Variants in CREB5 observed in about 807,000 individuals in gnomAD.
The protein encoded by CREB5 is cyclic AMP-responsive element-binding protein 5.
A neutral mutation model predicts 57.1 loss-of-function variants in CREB5; 19 were observed. That is an observed-to-expected ratio of 0.33 (90% CI 0.23 to 0.49). The LOEUF (loss-of-function observed/expected upper bound fraction) is 0.49. CREB5 is among the 20% of genes least tolerant of loss of function. CREB5 has a pLI of 0.99. For synonymous variants in CREB5, 238 were observed against 238.3 expected (o/e 1.00, Z 0.01); for missense variants, 579 against 671.6 (o/e 0.86, Z 1.52).
At chr7:28,743,939 C>T (rs1328352518) in intron 7 of CREB5, among the ~76,000 whole-genome samples, 19 of 126,610 alleles carry the variant, frequency 1.5e-4, no homozygotes, top group Admixed American at 1.2e-3. Flanking sequence ...CATGCTGGTG[C>T]GCTGCACCCA....
intron 3 of CREB5, among the ~76,000 whole-genome samples, chr7:28,495,465 C>A (rs1791996570): frequency 6.6e-6 from 1 of 151,810 alleles, no homozygotes; most frequent in Admixed American, 6.6e-5. Flanking sequence ...TCGCTTGGAC[C>A]CGGGAGGGGG....
intron 1 of CREB5, among the ~76,000 whole-genome samples, chr7:28,333,173 G>A (rs1785748334): frequency 6.6e-6 from 1 of 152,146 alleles, no homozygotes; most frequent in Non-Finnish European, 1.5e-5. Context: ...ATTCATGTGG[G>A]ATTTTTACGT....
intron 1 of CREB5, among the ~76,000 whole-genome samples, chr7:28,316,254 A>G (rs891309623): frequency 6.6e-6 from 1 of 152,118 alleles, no homozygotes; most frequent in African/African-American, 2.4e-5. Flanking sequence ...TGATGAACGT[A>G]AATCTGTCAG....
chr7:28,617,236 A>G (rs374061841), intron 5 of CREB5, among the ~76,000 whole-genome samples: 1 of 152,226 alleles, frequency 6.6e-6, no homozygotes, highest in African/African-American at 2.4e-5. Context: ...TTAATTGTTT[A>G]TATGATAATG....
Position 28,404,468 on chromosome 7 carries a change from C to A in CREB5, c.-24-90438C>A, listed in dbSNP as rs555415322. 9.2e-5 allele frequency among the ~76,000 whole-genome samples: 14 copies of A among 152,236 alleles called. No individual in the cohort carries two copies. In the South Asian group the frequency reaches 2.7e-3, roughly 29 times the overall value. The stretch of plus-strand genomic sequence containing the variant: ...ATTTGAGTCTTGCTGGATTTCCATG[C>A]ACCTTGGGTCCACTGGAATTTGGTG... On this transcript the variant is annotated intron_variant, in intron 1 of 9. Coordinates refer to the CREB5 transcript ENST00000396299.
At chr7:28,383,776 G>A (rs1006921284) in intron 1 of CREB5, among the ~76,000 whole-genome samples, 4 of 152,272 alleles carry the variant, frequency 2.6e-5, no homozygotes, top group African/African-American at 9.6e-5. Context: ...CGATTTGGGT[G>A]GGGACACAGA....
intron 5 of CREB5, among the ~76,000 whole-genome samples, chr7:28,643,045 C>G (rs1460559057): frequency 2.0e-5 from 3 of 147,898 alleles, no homozygotes; most frequent in African/African-American, 7.5e-5. Flanking sequence ...TTGGGCTTGT[C>G]TAGCCCCAAA....
intron 5 of CREB5, among the ~76,000 whole-genome samples, chr7:28,638,153 C>T (rs1276420869): frequency 6.6e-6 from 1 of 151,898 alleles, no homozygotes; most frequent in Non-Finnish European, 1.5e-5. Context: ...TGAGGTTTAT[C>T]AGCAAAGATA....
At chr7:28,514,657 G>A (rs900848041) in intron 4 of CREB5, among the ~76,000 whole-genome samples, 10 of 152,328 alleles carry the variant, frequency 6.6e-5, no homozygotes, top group African/African-American at 2.2e-4. Context: ...GCCTCCCAAA[G>A]TGCTGGGATT....
chr7:28,602,103 A>T (rs944367475), intron 5 of CREB5, among the ~76,000 whole-genome samples: 3 of 152,026 alleles, frequency 2.0e-5, no homozygotes, highest in Non-Finnish European at 4.4e-5. Flanking sequence ...CTGTGTCAGA[A>T]TTCACAAATT....
chr7:28,440,546 T>C (rs1480607421), intron 1 of CREB5, among the ~76,000 whole-genome samples: 1 of 152,210 alleles, frequency 6.6e-6, no homozygotes, highest in Admixed American at 6.5e-5. Context: ...TATCTTTAAC[T>C]AATTTAACAA....
intron 9 of CREB5, among the ~76,000 whole-genome samples, chr7:28,810,491 G>T (rs530152752): frequency 2.0e-5 from 3 of 152,212 alleles, no homozygotes; most frequent in Admixed American, 2.0e-4. Flanking sequence ...TCAGGAGTTT[G>T]AGACCAGCCT....
chr7:28,449,493 T>C (rs189179283), intron 1 of CREB5, among the ~76,000 whole-genome samples: 165 of 152,362 alleles, frequency 1.1e-3, no homozygotes, highest in Middle Eastern at 3.4e-3. Flanking sequence ...AGGATCCTTT[T>C]CTTGCCCTCC....
intron 1 of CREB5, among the ~76,000 whole-genome samples, chr7:28,442,202 C>T (rs1192076557): frequency 6.6e-6 from 1 of 152,100 alleles, no homozygotes; most frequent in East Asian, 1.9e-4. Context: ...TATTTATCTT[C>T]CTGTGCCTGA....
intron 5 of CREB5, among the ~76,000 whole-genome samples, chr7:28,680,586 T>C (rs148333494): frequency 6.6e-6 from 1 of 152,008 alleles, no homozygotes; most frequent in African/African-American, 2.4e-5. Context: ...AGGGAGACTT[T>C]GTCTCTACAA....
chr7:28,670,754 A>G (rs1183096693), intron 5 of CREB5, among the ~76,000 whole-genome samples: 1 of 152,234 alleles, frequency 6.6e-6, no homozygotes, highest in African/African-American at 2.4e-5. Flanking sequence ...ATATATAGGC[A>G]TGTGCATGTT....
At chr7:28,465,826 A>T (rs1316039235) in intron 1 of CREB5, among the ~76,000 whole-genome samples, 1 of 152,158 alleles carries the variant, frequency 6.6e-6, no homozygotes, top group Non-Finnish European at 1.5e-5. Context: ...CTTTCGCATG[A>T]GTGTCCATTT....
At chr7:28,512,027 T>C (rs150598) in intron 4 of CREB5, among the ~76,000 whole-genome samples, 151,636 of 152,338 alleles carry the variant, frequency 1, 75,468 homozygotes, top group East Asian at 1. Flanking sequence ...ATGGTTTAGA[T>C]TGGGAAGTAA....
At chr7:28,384,255 G>A (rs969580958) in intron 1 of CREB5, among the ~76,000 whole-genome samples, 2 of 152,224 alleles carry the variant, frequency 1.3e-5, no homozygotes, top group African/African-American at 4.8e-5. Flanking sequence ...CCAGTGCGCA[G>A]TACTGCTGGT....
Sources: allele counts gnomAD v4.1 joint callset (sites outside exome capture counted in the v4.1 genomes callset), GRCh38; gene constraint gnomAD v4.1.1; transcripts MANE v1.5; gene names NCBI Gene and HGNC (gene_info 2026-07-23, HGNC 2026-07-21).